SMOC1: variants seen among roughly 807,000 people sequenced by gnomAD.
SMOC1 encodes SPARC-related modular calcium-binding protein 1.
A neutral mutation model predicts 56.3 loss-of-function variants in SMOC1; 22 were observed. The ratio of observed to expected loss-of-function variants is 0.39; its 90% CI spans 0.28 to 0.56. The LOEUF is 0.56. Ranked by LOEUF, SMOC1 falls within the 20% of genes least tolerant of loss-of-function variation. SMOC1 has a pLI of 0.61. For missense variants in SMOC1, 509 were observed against 565.4 expected, an observed-to-expected ratio of 0.90 and a Z score of 1.01; for synonymous variants, 193 against 215.0, an observed-to-expected ratio of 0.90 and a Z score of 0.89.
intron 10 of SMOC1, among the ~76,000 whole-genome samples, chr14:70,019,899 G>A (rs560523936): frequency 2.0e-5 from 3 of 152,166 alleles, no homozygotes; most frequent in Non-Finnish European, 4.4e-5. Flanking sequence ...AAAGCATAGT[G>A]GGTACCTGCT....
Position 70,030,328 on chromosome 14 carries a change from A to T in SMOC1, c.*70A>T. Reference sequence around the variant, plus strand: ...ATGGATCACCAGACACCTAACCTTCAGCGTTGCCCATGGCCCTGCCACATC... The same window carrying T: ...ATGGATCACCAGACACCTAACCTTCTGCGTTGCCCATGGCCCTGCCACATC... On this transcript the variant is annotated 3_prime_UTR_variant, in exon 12 of 12. Coordinates refer to ENST00000361956, the MANE Select transcript of SMOC1 (RefSeq NM_001034852.3). The T allele has an allele frequency of 1.3e-6, 2 of 1,594,136 alleles. No homozygotes were observed. Among genetic ancestry groups the T allele is most frequent in the Non-Finnish European group, 1.7e-6 (2 of 1,166,852 alleles).
intron 11 of SMOC1, among the ~76,000 whole-genome samples, chr14:70,026,346 C>T (rs1252900181): frequency 6.6e-6 from 1 of 152,238 alleles, no homozygotes; most frequent in Non-Finnish European, 1.5e-5. Flanking sequence ...CTGCACAGCA[C>T]ACGGAAGCCA....
intron 1 of SMOC1, among the ~76,000 whole-genome samples, chr14:69,903,120 T>TCTGGGAAGTGAGGACCGCCTCTTC (rs1884296542): frequency 6.8e-6 from 1 of 147,974 alleles, no homozygotes; most frequent in Non-Finnish European, 1.5e-5. Flanking sequence ...GGCTGCCCAG[T>TCTGGGAAGTGAGGACCGCCTCTTC]CTGGGAAGTG....
At chr14:70,004,225 C>T (rs1458066180) in intron 7 of SMOC1, among the ~76,000 whole-genome samples, 3 of 152,156 alleles carry the variant, frequency 2.0e-5, no homozygotes, top group East Asian at 1.9e-4. Flanking sequence ...AGTTCTTCCG[C>T]GTATGGTTCT....
chr14:69,978,236 T>C (rs758356870), intron 5 of SMOC1: 2 of 528,224 alleles, frequency 3.8e-6, no homozygotes, highest in Non-Finnish European at 6.8e-6. Context: ...GCCCTAGGAA[T>C]ATTGGTTCCC....
chr14:69,975,823 G>A lies in SMOC1; in HGVS notation c.478+9G>A. On this transcript the variant is annotated intron_variant, in intron 4 of 11. Transcript: ENST00000361956. ...AACTCCTGTATGTTCAGGTACCGTAGGGAGGGGCGGGAAGAATGAAAAGGG... is the reference window on the plus strand; with the variant it reads ...AACTCCTGTATGTTCAGGTACCGTAAGGAGGGGCGGGAAGAATGAAAAGGG... 5.6e-6 allele frequency: 9 copies of A among 1,594,860 alleles called. No individual in the cohort carries two copies. Among genetic ancestry groups the A allele is most frequent in the South Asian group, 1.1e-5 (1 of 90,556 alleles).
chr14:69,893,222 A>G (rs183625375), intron 1 of SMOC1, among the ~76,000 whole-genome samples: 4 of 152,310 alleles, frequency 2.6e-5, no homozygotes, highest in South Asian at 4.1e-4. Flanking sequence ...TTCTTTCAGG[A>G]GACATACAAC....
intron 8 of SMOC1, 37 bp from the exon 9 acceptor site, chr14:70,011,448 G>GCCCCAC: frequency 7.4e-7 from 1 of 1,356,898 alleles, no homozygotes; most frequent in Non-Finnish European, 1.0e-6. Context: ...TCAGTTGCCA[G>GCCCCAC]CCCCTCCCAA....
intron 1 of SMOC1, among the ~76,000 whole-genome samples, chr14:69,941,064 C>A (rs1398270552): frequency 6.6e-6 from 1 of 152,142 alleles, no homozygotes; most frequent in East Asian, 1.9e-4. Context: ...GGACTCCACT[C>A]ATGCAAAGAA....
At chr14:69,975,534 T>C (rs1355011516) in intron 3 of SMOC1, among the ~76,000 whole-genome samples, 181 bp from the exon 4 acceptor site, 1 of 152,200 alleles carries the variant, frequency 6.6e-6, no homozygotes, top group African/African-American at 2.4e-5. Context: ...ACAGCAACCA[T>C]GTACCCAGTG....
At chr14:69,993,488 G>A (rs768830303) in intron 6 of SMOC1, among the ~76,000 whole-genome samples, 1 of 152,142 alleles carries the variant, frequency 6.6e-6, no homozygotes, top group East Asian at 1.9e-4. Context: ...CTAGCTAAGC[G>A]TATCCAGCCC....
intron 1 of SMOC1, among the ~76,000 whole-genome samples, chr14:69,895,543 A>G (rs1470842985): frequency 6.6e-6 from 1 of 151,970 alleles, no homozygotes; most frequent in African/African-American, 2.4e-5. Flanking sequence ...AGAAGTAGAA[A>G]CCCTTTGTTT....
At chr14:69,917,150 G>A (rs1423412264) in intron 1 of SMOC1, among the ~76,000 whole-genome samples, 1 of 152,210 alleles carries the variant, frequency 6.6e-6, no homozygotes, top group Non-Finnish European at 1.5e-5. Context: ...TTTTTGCAAA[G>A]TGTGAGAAAA....
intron 1 of SMOC1, among the ~76,000 whole-genome samples, chr14:69,935,469 C>T (rs932367812): frequency 6.6e-6 from 1 of 152,192 alleles, no homozygotes; most frequent in East Asian, 1.9e-4. Flanking sequence ...TTTAACCTAG[C>T]CTAAGTACTC....
At chr14:69,991,383 G>A in intron 5 of SMOC1, among the ~76,000 whole-genome samples, 1 of 152,134 alleles carries the variant, frequency 6.6e-6, no homozygotes, top group East Asian at 1.9e-4. Context: ...TTTTACATAT[G>A]AAGCACAAAT....
chr14:69,965,377 A>AAATAATAAT lies in SMOC1; in HGVS notation c.379-10317_379-10309dup, dbSNP rs544015097. Among the ~76,000 whole-genome samples, 627 of 113,920 alleles carry AAATAATAAT rather than the reference A, an allele frequency of 5.5e-3. 6 individuals are homozygous for AAATAATAAT. The highest frequency in any genetic ancestry group is 0.013 in the African/African-American group (482 of 37,044). 74.7% of individuals were successfully genotyped at this position (113,920 alleles called of 152,430 possible). On this transcript the variant is annotated intron_variant, in intron 3 of 11. Transcript: ENST00000361956. ...GCCTGGGTGACAGAGCAAGACTCTC[A>AAATAATAAT]AATAATAATAATAATAATAATAATA...
intron 1 of SMOC1, among the ~76,000 whole-genome samples, chr14:69,880,956 T>G (rs926343409): frequency 6.6e-6 from 1 of 152,216 alleles, no homozygotes; most frequent in Non-Finnish European, 1.5e-5. Context: ...CTGGGTTGAT[T>G]ACATCCAAGC....
chr14:69,898,777 G>A (rs1479813064), intron 1 of SMOC1, among the ~76,000 whole-genome samples: 1 of 151,960 alleles, frequency 6.6e-6, no homozygotes, highest in Non-Finnish European at 1.5e-5. Context: ...TCTCAGCCAT[G>A]TTTGTCTGCT....
At chr14:69,901,343 C>G (rs952397568) in intron 1 of SMOC1, among the ~76,000 whole-genome samples, 14 of 151,924 alleles carry the variant, frequency 9.2e-5, no homozygotes, top group Admixed American at 7.2e-4. Flanking sequence ...GCCTTTGACT[C>G]ATTCATTCAC....
Sources: gnomAD v4.1 joint callset for allele counts (sites outside exome capture counted in the v4.1 genomes callset) on GRCh38, gnomAD v4.1.1 for gene constraint, MANE v1.5 for transcripts, NCBI Gene and HGNC (gene_info 2026-07-23, HGNC 2026-07-21) for gene names.